The following KITLG variants were observed in gnomAD, a reference collection of about 807,000 sequenced individuals.
KITLG encodes the protein KIT ligand, also known as c-Kit ligand.
A neutral mutation model predicts 34.1 loss-of-function variants in KITLG; 13 were observed. The observed-to-expected ratio is 0.38, with a 90% CI of 0.25 to 0.61. The LOEUF (loss-of-function observed/expected upper bound fraction) is 0.61. KITLG is among the 20% of genes least tolerant of loss of function. KITLG has a pLI of 0.60. For synonymous variants in KITLG, 110 were observed against 104.0 expected (o/e 1.06, Z -0.35); for missense variants, 292 against 318.9 (o/e 0.92, Z 0.64).
intron 3 of KITLG, among the ~76,000 whole-genome samples, chr12:88,522,698 G>A (rs935420110): frequency 2.0e-5 from 3 of 152,050 alleles, no homozygotes; most frequent in African/African-American, 4.8e-5. Flanking sequence ...AAAGTGCTGG[G>A]ATTACAGGAG....
At chr12:88,511,336 C>T (rs950357834) in intron 6 of KITLG, among the ~76,000 whole-genome samples, 6 of 152,142 alleles carry the variant, frequency 3.9e-5, no homozygotes, top group South Asian at 2.1e-4. Context: ...GTGTAATTCA[C>T]GAGACAGGGC....
At chr12:88,548,123 A>G (rs753111445) in intron 1 of KITLG, among the ~76,000 whole-genome samples, 2 of 151,978 alleles carry the variant, frequency 1.3e-5, no homozygotes, top group African/African-American at 2.4e-5. Context: ...CCCAGCACCA[A>G]GGCTTTGCCC....
intron 3 of KITLG, among the ~76,000 whole-genome samples, chr12:88,523,254 G>C (rs1460166393): frequency 4.6e-5 from 7 of 152,182 alleles, no homozygotes; most frequent in Admixed American, 3.9e-4. Flanking sequence ...GGAATACTGA[G>C]GACCAGTCTC....
At chr12:88,547,876 G>A (rs1229079607) in intron 1 of KITLG, among the ~76,000 whole-genome samples, 1 of 152,166 alleles carries the variant, frequency 6.6e-6, no homozygotes, top group African/African-American at 2.4e-5. Flanking sequence ...GTGTATACCA[G>A]GCATTGTCCT....
chr12:88,576,986 G>A (rs1258156113), intron 1 of KITLG, among the ~76,000 whole-genome samples: 1 of 152,094 alleles, frequency 6.6e-6, no homozygotes, highest in East Asian at 1.9e-4. Context: ...CAGACTTTCA[G>A]ATTTCCATAT....
chr12:88,556,944 T>C (rs1871116671), intron 1 of KITLG, among the ~76,000 whole-genome samples: 1 of 152,146 alleles, frequency 6.6e-6, no homozygotes, highest in East Asian at 1.9e-4. Flanking sequence ...ATGAGGGCAG[T>C]TGCCATTGAG....
chr12:88,535,760 A>T (rs1258245548), intron 2 of KITLG, among the ~76,000 whole-genome samples: 1 of 152,204 alleles, frequency 6.6e-6, no homozygotes, highest in African/African-American at 2.4e-5. Flanking sequence ...CATACAAGCC[A>T]TGTCATCTTT....
intron 1 of KITLG, among the ~76,000 whole-genome samples, chr12:88,554,333 T>C (rs2120934744): frequency 2.0e-5 from 3 of 152,316 alleles, no homozygotes; most frequent in African/African-American, 7.2e-5. Flanking sequence ...AAAATATGCA[T>C]TGTCAGGGTC....
chr12:88,562,411 T>C (rs1265221234), intron 1 of KITLG, among the ~76,000 whole-genome samples: 1 of 152,230 alleles, frequency 6.6e-6, no homozygotes, highest in Non-Finnish European at 1.5e-5. Flanking sequence ...TTGCTTATTA[T>C]CTGTTTCTTA....
intron 6 of KITLG, among the ~76,000 whole-genome samples, chr12:88,507,421 C>A (rs982148303): frequency 2.0e-5 from 3 of 152,138 alleles, no homozygotes; most frequent in African/African-American, 7.2e-5. Flanking sequence ...TAATATATTT[C>A]TGGGGGGAAA....
At chr12:88,543,921 GT>G (rs1423983777) in intron 2 of KITLG, among the ~76,000 whole-genome samples, 5 of 152,074 alleles carry the variant, frequency 3.3e-5, no homozygotes, top group Admixed American at 3.3e-4. Flanking sequence ...TCTCGCACAA[GT>G]TTACTATAAC....
chr12:88,550,533 C>T (rs1021561290), intron 1 of KITLG, among the ~76,000 whole-genome samples: 2 of 152,158 alleles, frequency 1.3e-5, no homozygotes, highest in African/African-American at 4.8e-5. Flanking sequence ...AGTTACTGAA[C>T]ATTTACTATA....
intron 2 of KITLG, among the ~76,000 whole-genome samples, chr12:88,541,136 G>C (rs1387992329): frequency 6.6e-6 from 1 of 152,060 alleles, no homozygotes; most frequent in South Asian, 2.1e-4. Flanking sequence ...TCTATTCAAA[G>C]TGTGAAAATG....
intron 9 of KITLG, among the ~76,000 whole-genome samples, chr12:88,504,524 A>C (rs1471177350): frequency 1.3e-5 from 2 of 152,182 alleles, no homozygotes; most frequent in Non-Finnish European, 2.9e-5. Context: ...GCTCATCATC[A>C]CTGGCCATCA....
At position 88,493,731 on chromosome 12, in the gene KITLG, A is replaced by C. The variant is rs1868498171; in HGVS notation, c.*3488T>G. ...ATAAAATGAGAAGATTTAAACGCTCACTTTGGTGCATTTCCAAATGTTACA... is the reference window on the plus strand; with the variant it reads ...ATAAAATGAGAAGATTTAAACGCTCCCTTTGGTGCATTTCCAAATGTTACA... On this transcript the variant is annotated 3_prime_UTR_variant, in exon 10 of 10. Transcript: ENST00000644744. 6.6e-6 allele frequency: 1 copy of C among 151,958 alleles called. No individual in the cohort carries two copies. The highest frequency in any genetic ancestry group is 6.6e-5 in the Admixed American group (1 of 15,222). 9.4% of individuals were successfully genotyped at this position (151,958 alleles called of 1,614,324 possible).
At position 88,545,778 on chromosome 12, in the gene KITLG, T is replaced by C. The variant is rs761977598; in HGVS notation, c.103A>G (p.Asn35Asp). The C allele has an allele frequency of 3.1e-6, 5 of 1,604,986 alleles. No individual in the cohort carries two copies. In the South Asian group the frequency reaches 4.4e-5, roughly 14 times the overall value. Residue 35 changes from asparagine (N) to aspartate (D), a missense_variant, in exon 2 of 10, where the codon AAT (asparagine) becomes GAT (aspartate). By Grantham distance (23) the Asn-to-Asp change is conservative. Around this residue, in one of 2 missense-constraint regions of KITLG, gnomAD observed 152 missense variants for 207.9 expected, o/e 0.73. Coordinates refer to ENST00000644744, the MANE Select transcript of KITLG (RefSeq NM_000899.5). ...TEGICRNRVT[N>D]NVKDVTKLVA... ...AATTTAGTGACGTCTTTTACATTATTAGTCACACGATTCCTGCAGATCCCT... is the reference window on the plus strand; with the variant it reads ...AATTTAGTGACGTCTTTTACATTATCAGTCACACGATTCCTGCAGATCCCT...
At chr12:88,557,102 T>C (rs549538097) in intron 1 of KITLG, among the ~76,000 whole-genome samples, 1 of 152,264 alleles carries the variant, frequency 6.6e-6, no homozygotes, top group East Asian at 1.9e-4. Flanking sequence ...CACTTCGGTC[T>C]TGGTAGAAGG....
At chr12:88,525,904 G>C (rs953229363) in intron 3 of KITLG, among the ~76,000 whole-genome samples, 4 of 152,190 alleles carry the variant, frequency 2.6e-5, no homozygotes, top group Non-Finnish European at 5.9e-5. Flanking sequence ...TTGTGTGAAA[G>C]AGAAATCTTA....
chr12:88,574,290 GAA>G (rs5799871), intron 1 of KITLG, among the ~76,000 whole-genome samples: 157 of 139,170 alleles, frequency 1.1e-3, no homozygotes, highest in Middle Eastern at 0.011. Flanking sequence ...ACTGCTAAAA[GAA>G]AAAAAAAAAA....
Sources: gnomAD v4.1 joint callset for allele counts (sites outside exome capture counted in the v4.1 genomes callset) on GRCh38, gnomAD v4.1.1 for gene constraint, gnomAD v4.1.1 regional missense constraint, MANE v1.5 for transcripts, NCBI Gene and HGNC (gene_info 2026-07-23, HGNC 2026-07-21) for gene names.